The following KSR2 variants were observed in gnomAD, a reference collection of about 807,000 sequenced individuals.
The protein encoded by KSR2 is kinase suppressor of ras 2.
Under a neutral mutation model 107.8 loss-of-function variants are expected in KSR2, and 25 were observed. The ratio of observed to expected loss-of-function variants is 0.23; its 90% CI spans 0.17 to 0.32. KSR2 has a LOEUF of 0.32. KSR2 is among the 10% of genes least tolerant of loss of function. KSR2 has a pLI of 1.00. For synonymous variants in KSR2, 480 were observed against 507.0 expected (o/e 0.95, Z 0.71); for missense variants, 887 against 1,268.9 (o/e 0.70, Z 4.57).
chr12:117,633,882 G>A (rs894787702), intron 5 of KSR2, among the ~76,000 whole-genome samples: 10 of 152,170 alleles, frequency 6.6e-5, no homozygotes, highest in African/African-American at 2.4e-4. Context: ...TGCTCCTCCA[G>A]ACATGCCCCA....
At chr12:117,512,440 C>T (rs1874081601) in intron 14 of KSR2, among the ~76,000 whole-genome samples, 1 of 152,204 alleles carries the variant, frequency 6.6e-6, no homozygotes, top group Non-Finnish European at 1.5e-5. Context: ...CCCAGACCTG[C>T]AGCATCCGTA....
At chr12:117,615,962 G>A (rs547360547) in intron 5 of KSR2, among the ~76,000 whole-genome samples, 14 of 152,188 alleles carry the variant, frequency 9.2e-5, no homozygotes, top group African/African-American at 3.4e-4. Context: ...AGACCACCCT[G>A]GGCAATATGG....
At chr12:117,892,347 C>A (rs1894371812) in intron 1 of KSR2, among the ~76,000 whole-genome samples, 1 of 152,108 alleles carries the variant, frequency 6.6e-6, no homozygotes, top group African/African-American at 2.4e-5. Context: ...ATTGGAATAT[C>A]TTTTGTCTTT....
chr12:117,630,158 C>T (rs1190797898), intron 5 of KSR2, among the ~76,000 whole-genome samples: 1 of 152,228 alleles, frequency 6.6e-6, no homozygotes, highest in African/African-American at 2.4e-5. Context: ...TGTCCTCCCA[C>T]TAGCGACGTC....
intron 14 of KSR2, among the ~76,000 whole-genome samples, chr12:117,495,776 C>A (rs375026717): frequency 2.5e-4 from 38 of 152,308 alleles, no homozygotes; most frequent in African/African-American, 8.4e-4. Context: ...CAGAGGCGGC[C>A]GGGCGCAGTG....
chr12:117,680,144 T>A (rs1416403104), intron 4 of KSR2, among the ~76,000 whole-genome samples: 1 of 152,170 alleles, frequency 6.6e-6, no homozygotes, highest in African/African-American at 2.4e-5. Context: ...ACCTTCTGTG[T>A]CTAAATAATG....
At chr12:117,811,202 C>T (rs1314353844) in intron 3 of KSR2, among the ~76,000 whole-genome samples, 1 of 152,120 alleles carries the variant, frequency 6.6e-6, no homozygotes, top group East Asian at 1.9e-4. Context: ...CCTGCTCTGC[C>T]CTCTACACCC....
chr12:117,558,180 G>T (rs1013503365), intron 8 of KSR2, among the ~76,000 whole-genome samples: 1 of 152,116 alleles, frequency 6.6e-6, no homozygotes, highest in Non-Finnish European at 1.5e-5. Context: ...TTTTTTGGTG[G>T]GAAGAAAAGC....
chr12:117,835,634 A>G (rs1210135528), intron 3 of KSR2, among the ~76,000 whole-genome samples: 2 of 152,110 alleles, frequency 1.3e-5, no homozygotes, highest in Non-Finnish European at 2.9e-5. Context: ...ATTTTGCCGC[A>G]GGGGACATTT....
chr12:117,752,187 G>A (rs565797425), intron 4 of KSR2, among the ~76,000 whole-genome samples: 2 of 152,314 alleles, frequency 1.3e-5, no homozygotes, highest in African/African-American at 4.8e-5. Context: ...TTTGAGTGAA[G>A]GTATAATAAA....
intron 14 of KSR2, among the ~76,000 whole-genome samples, chr12:117,511,952 C>T (rs139450526): frequency 2.3e-3 from 351 of 152,276 alleles, no homozygotes; most frequent in Middle Eastern, 6.8e-3. Flanking sequence ...TCTTCCAGTT[C>T]TGTCCTTGAT....
At chr12:117,947,283 T>C (rs1343299038) in intron 1 of KSR2, among the ~76,000 whole-genome samples, 1 of 150,996 alleles carries the variant, frequency 6.6e-6, no homozygotes, top group Non-Finnish European at 1.5e-5. Context: ...ACCATACTAA[T>C]TGATACAGAA....
At chr12:117,681,462 C>T (rs1295792276) in intron 4 of KSR2, among the ~76,000 whole-genome samples, 2 of 152,022 alleles carry the variant, frequency 1.3e-5, no homozygotes, top group Non-Finnish European at 2.9e-5. Flanking sequence ...GGGGGAATGT[C>T]GCGGAGTCCA....
At chr12:117,721,804 T>C (rs1257457399) in intron 4 of KSR2, among the ~76,000 whole-genome samples, 5 of 152,194 alleles carry the variant, frequency 3.3e-5, no homozygotes, top group Non-Finnish European at 7.3e-5. Flanking sequence ...GGCCATCCAC[T>C]GGTACCACCC....
At chr12:117,700,610 C>A (rs143844784) in intron 4 of KSR2, among the ~76,000 whole-genome samples, 1 of 152,306 alleles carries the variant, frequency 6.6e-6, no homozygotes, top group African/African-American at 2.4e-5. Context: ...ACGGATGCTA[C>A]GGAGATATAT....
chr12:117,798,792 A>C (rs1890730195), intron 3 of KSR2, among the ~76,000 whole-genome samples: 1 of 152,010 alleles, frequency 6.6e-6, no homozygotes, highest in Non-Finnish European at 1.5e-5. Flanking sequence ...ATCCATGTTC[A>C]TAGAATAATT....
At chr12:117,792,079 G>A (rs1566016518) in intron 3 of KSR2, among the ~76,000 whole-genome samples, 1 of 152,142 alleles carries the variant, frequency 6.6e-6, no homozygotes, top group Non-Finnish European at 1.5e-5. Flanking sequence ...GCTCATGCCT[G>A]TAATCCCAGC....
chr12:117,727,566 A>T (rs1365918753), intron 4 of KSR2, among the ~76,000 whole-genome samples: 3 of 151,984 alleles, frequency 2.0e-5, no homozygotes, highest in Admixed American at 2.0e-4. Flanking sequence ...CTGAGGGAAG[A>T]TGCCATGTGT....
chr12:117,868,531 A>G (rs1413033853), intron 1 of KSR2, among the ~76,000 whole-genome samples: 2 of 152,112 alleles, frequency 1.3e-5, no homozygotes, highest in African/African-American at 2.4e-5. Flanking sequence ...CATTATTTCA[A>G]TATATCCTTA....
Sources: allele counts gnomAD v4.1 joint callset (sites outside exome capture counted in the v4.1 genomes callset), GRCh38; gene constraint gnomAD v4.1.1; transcripts MANE v1.5; gene names NCBI Gene and HGNC (gene_info 2026-07-23, HGNC 2026-07-21).